IQSEC1: variants seen among roughly 807,000 people sequenced by gnomAD.
The protein encoded by IQSEC1 is IQ motif and Sec7 domain ArfGEF 1.
A neutral mutation model predicts 91.0 loss-of-function variants in IQSEC1; 31 were observed. That is an observed-to-expected ratio of 0.34 (90% CI 0.26 to 0.46). The LOEUF (loss-of-function observed/expected upper bound fraction) is 0.46, where lower values mean the gene tolerates loss of function less well. Ranked by LOEUF, IQSEC1 falls within the 20% of genes least tolerant of loss-of-function variation. The pLI is 1.00. For synonymous variants in IQSEC1, 699 were observed against 662.6 expected (o/e 1.05, Z -0.84); for missense variants, 1,388 against 1,575.6 (o/e 0.88, Z 2.02).
At chr3:13,102,146 T>C (rs1706076891) in intron 2 of IQSEC1, among the ~76,000 whole-genome samples, 2 of 152,034 alleles carry the variant, frequency 1.3e-5, no homozygotes, top group African/African-American at 2.4e-5. Flanking sequence ...GGCATGGTGA[T>C]GTGCATCTGT....
chr3:13,165,164 C>T (rs1223026992), intron 1 of IQSEC1, among the ~76,000 whole-genome samples: 2 of 152,208 alleles, frequency 1.3e-5, no homozygotes, highest in Non-Finnish European at 1.5e-5. Flanking sequence ...GCAATGTGTG[C>T]TCCAGGTGCC....
At chr3:13,017,633 T>C (rs1356194416) in intron 1 of IQSEC1, among the ~76,000 whole-genome samples, 2 of 152,110 alleles carry the variant, frequency 1.3e-5, no homozygotes, top group African/African-American at 2.4e-5. Context: ...TGGGAATGGA[T>C]AGTTAGCACC....
intron 1 of IQSEC1, among the ~76,000 whole-genome samples, chr3:13,010,534 GA>G (rs1702835483): frequency 6.6e-6 from 1 of 152,170 alleles, no homozygotes; most frequent in African/African-American, 2.4e-5. Flanking sequence ...GTCCGGGAAT[GA>G]AGTCAAAGAG....
At position 12,909,303 on chromosome 3, in the gene IQSEC1, C is replaced by T; in HGVS notation, c.2548G>A (p.Val850Ile). The change falls in exon 11 of 14, where the codon GTC becomes ATC. Residue 850 changes from valine to isoleucine, a missense_variant. Transcript: ENST00000613206. The surrounding 1 kb of genome is among the most constrained non-coding windows in gnomAD (Gnocchi z 4.9). Reference protein sequence around the residue: ...TDDLRESIAEVQEMEKHRIES... With the variant: ...TDDLRESIAEIQEMEKHRIES... ...ATCCTGTGCTTCTCCATCTCTTGGACTTCCGCAATGGACTCCCGCAGGTCA... is the reference window on the plus strand; with the variant it reads ...ATCCTGTGCTTCTCCATCTCTTGGATTTCCGCAATGGACTCCCGCAGGTCA... The T allele has an allele frequency of 6.2e-7, 1 of 1,614,228 alleles. No individual in the cohort carries two copies. The highest frequency in any genetic ancestry group is 8.5e-7 in the Non-Finnish European group (1 of 1,180,034).
chr3:13,107,411 G>A (rs765500215), intron 2 of IQSEC1, among the ~76,000 whole-genome samples: 1 of 152,258 alleles, frequency 6.6e-6, no homozygotes, highest in Non-Finnish European at 1.5e-5. Flanking sequence ...ACAGCACGCA[G>A]TGTTAGATGC....
intron 1 of IQSEC1, among the ~76,000 whole-genome samples, chr3:13,068,771 T>TA (rs995422445): frequency 6.6e-6 from 1 of 152,202 alleles, no homozygotes; most frequent in Admixed American, 6.5e-5. Context: ...TAGTTCCTCC[T>TA]AATCATTTAG....
At chr3:13,252,717 T>A (rs557225325) in intron 1 of IQSEC1, among the ~76,000 whole-genome samples, 1 of 146,388 alleles carries the variant, frequency 6.8e-6, no homozygotes. Context: ...TTATTATCTA[T>A]GTTTTTTTTT....
intron 1 of IQSEC1, among the ~76,000 whole-genome samples, chr3:12,976,295 C>T (rs73028726): frequency 6.6e-6 from 1 of 152,350 alleles, no homozygotes; most frequent in Non-Finnish European, 1.5e-5. Context: ...ACTCTGCCAG[C>T]CCTGCTGAGC....
chr3:13,111,441 A>C (rs1706242707), intron 2 of IQSEC1, among the ~76,000 whole-genome samples: 1 of 152,186 alleles, frequency 6.6e-6, no homozygotes, highest in African/African-American at 2.4e-5. Context: ...CCAGTTCTGC[A>C]GGGCTATTCT....
At chr3:13,240,673 C>A (rs1222192046) in intron 1 of IQSEC1, among the ~76,000 whole-genome samples, 3 of 152,202 alleles carry the variant, frequency 2.0e-5, no homozygotes, top group African/African-American at 2.4e-5. Flanking sequence ...AGGTCCGTCA[C>A]TCTGTAAGCT....
chr3:13,252,433 C>G (rs1212878013), intron 1 of IQSEC1, among the ~76,000 whole-genome samples: 1 of 152,214 alleles, frequency 6.6e-6, no homozygotes, highest in Admixed American at 6.5e-5. Context: ...GTTTGTGAAT[C>G]GGTTTATCTG....
chr3:12,983,384 G>A lies in IQSEC1; in HGVS notation c.24-41519C>T, dbSNP rs1701563868. On this transcript the variant is annotated intron_variant, in intron 1 of 13. Transcript: ENST00000613206. The surrounding 1 kb of genome is among the most constrained non-coding windows in gnomAD (Gnocchi z 4.3). ...TCTGGGTGCTGGCTTGGGGGCGGGT[G>A]AGGAGCAGGAGGAAGCATGGCTCAC... 6.6e-6 allele frequency among the ~76,000 whole-genome samples: 1 copy of A among 152,212 alleles called. No homozygotes were observed. The highest frequency in any genetic ancestry group is 1.5e-5 in the Non-Finnish European group (1 of 68,034).
At chr3:13,082,349 AG>A (rs1705659025) in intron 2 of IQSEC1, among the ~76,000 whole-genome samples, 1 of 152,194 alleles carries the variant, frequency 6.6e-6, no homozygotes, top group African/African-American at 2.4e-5. Flanking sequence ...TCCCCGACAA[AG>A]GGCAGTTAAG....
intron 2 of IQSEC1, among the ~76,000 whole-genome samples, chr3:13,098,248 G>A (rs1705998011): frequency 6.6e-6 from 1 of 152,218 alleles, no homozygotes; most frequent in Admixed American, 6.5e-5. Context: ...CTTTTTGCAG[G>A]GGCAGCCTGG....
At chr3:13,255,783 T>A (rs897201601) in intron 1 of IQSEC1, among the ~76,000 whole-genome samples, 1 of 152,178 alleles carries the variant, frequency 6.6e-6, no homozygotes, top group Non-Finnish European at 1.5e-5. Flanking sequence ...TAATCTGCAC[T>A]CAGCCGGCCT....
In IQSEC1 at chr3:12,899,768, G is replaced by T. The variant is rs539148503; in HGVS notation, c.*1215C>A. ...AACGCTAAAGTCAACCTTCAGGTTC[G>T]AGAGTGGTTCCTGATGAAAACACTC... is the stretch of plus-strand genomic sequence containing the variant. On this transcript the variant is annotated 3_prime_UTR_variant, in exon 14 of 14. Coordinates refer to ENST00000613206, the MANE Select transcript of IQSEC1 (RefSeq NM_001134382.3). 2.0e-6 allele frequency: 2 copies of T among 985,384 alleles called. No homozygotes were observed. Among genetic ancestry groups the T allele is most frequent in the African/African-American group, 3.5e-5 (2 of 57,336 alleles). 61.0% of individuals were successfully genotyped at this position (985,384 alleles called of 1,614,324 possible).
At chr3:12,973,433 C>T (rs909342139) in intron 1 of IQSEC1, among the ~76,000 whole-genome samples, 1 of 152,206 alleles carries the variant, frequency 6.6e-6, no homozygotes, top group African/African-American at 2.4e-5. Context: ...AGAGCAAGAA[C>T]CCCTTACTTA....
chr3:13,023,919 C>A (rs1357973722), intron 1 of IQSEC1, among the ~76,000 whole-genome samples: 2 of 152,192 alleles, frequency 1.3e-5, no homozygotes, highest in Non-Finnish European at 2.9e-5. Context: ...TCTTCTTGAA[C>A]ACCCCCAATG....
At chr3:13,283,049 T>G (rs1256801065) in exon 1 of IQSEC1, among the ~76,000 whole-genome samples, 1 of 143,722 alleles carries the variant, frequency 7.0e-6, no homozygotes. Context: ...GGCGCGGCCA[T>G]GGCTGCGCGG....
Sources: gnomAD v4.1 joint callset for allele counts (sites outside exome capture counted in the v4.1 genomes callset) on GRCh38, gnomAD v4.1.1 for gene constraint, Gnocchi (gnomAD v3.1) non-coding constraint, MANE v1.5 for transcripts, NCBI Gene and HGNC (gene_info 2026-07-23, HGNC 2026-07-21) for gene names.